The following CAMK2A variants were observed in gnomAD, a reference collection of about 807,000 sequenced individuals.
CAMK2A encodes the protein calcium/calmodulin-dependent protein kinase type II subunit alpha.
In CAMK2A, 7 loss-of-function variants were observed where a neutral mutation model predicts 79.2. The observed-to-expected ratio is 0.09, with a 90% CI of 0.05 to 0.17. CAMK2A has a LOEUF of 0.17. Among genes scored for constraint, CAMK2A ranks in the 10% least tolerant of loss-of-function variants. The pLI, the probability that CAMK2A is intolerant of heterozygous loss-of-function variation, is 1.00. For synonymous variants in CAMK2A, 242 were observed against 251.7 expected, an observed-to-expected ratio of 0.96 and a Z score of 0.36; for missense variants, 214 against 646.4, an observed-to-expected ratio of 0.33 and a Z score of 7.25.
At chr5:150,229,887 A>C (rs1754766263) in intron 16 of CAMK2A, among the ~76,000 whole-genome samples, 1 of 152,224 alleles carries the variant, frequency 6.6e-6, no homozygotes, top group African/African-American at 2.4e-5. Context: ...GTACAAGTGC[A>C]TGCATACACA....
intron 18 of CAMK2A, 62 bp from the exon 19 acceptor site, chr5:150,222,775 A>G (rs905382964): frequency 2.5e-6 from 4 of 1,599,964 alleles, no homozygotes; most frequent in African/African-American, 2.7e-5. Context: ...CAACCCACCC[A>G]CCCTGCCGCT....
intron 2 of CAMK2A, among the ~76,000 whole-genome samples, chr5:150,266,551 G>T (rs1756521425): frequency 6.6e-6 from 1 of 152,138 alleles, no homozygotes; most frequent in Non-Finnish European, 1.5e-5. Context: ...CTTTGAGGGG[G>T]TTACTATCAT....
chr5:150,277,241 T>C (rs2150305401), intron 1 of CAMK2A, among the ~76,000 whole-genome samples: 1 of 152,260 alleles, frequency 6.6e-6, no homozygotes, highest in East Asian at 1.9e-4. Context: ...GATTCCAAGG[T>C]CCCACCCACA....
Position 150,220,569 on chromosome 5 carries a change from G to C in CAMK2A, c.*2141C>G, listed in dbSNP as rs1754259631. 1 of 152,390 alleles carries C rather than the reference G, an allele frequency of 6.6e-6. No homozygotes were observed. Among genetic ancestry groups the C allele is most frequent in the Non-Finnish European group, 1.5e-5 (1 of 68,058 alleles). 9.4% of individuals were successfully genotyped at this position (152,390 alleles called of 1,614,324 possible). On this transcript the variant is annotated 3_prime_UTR_variant, in exon 19 of 19. Coordinates refer to ENST00000671881, the MANE Select transcript of CAMK2A (RefSeq NM_015981.4). ...CTCGGTAATTACAGCAGCCCCTGGTGAAGGCCACACCCTCACCCTTGACTG... is the reference window on the plus strand; with the variant it reads ...CTCGGTAATTACAGCAGCCCCTGGTCAAGGCCACACCCTCACCCTTGACTG...
intron 2 of CAMK2A, 93 bp downstream of exon 2, chr5:150,272,972 C>T: frequency 1.1e-6 from 1 of 951,760 alleles, no homozygotes; most frequent in South Asian, 1.4e-5. Flanking sequence ...CACCCAGGGG[C>T]TCAGCCCTGG....
At chr5:150,250,917 C>T in intron 9 of CAMK2A, 107 bp from the exon 10 acceptor site, 1 of 1,289,164 alleles carries the variant, frequency 7.8e-7, no homozygotes, top group Non-Finnish European at 1.1e-6. Flanking sequence ...ACTGCCCATC[C>T]ACTCGGACAT....
Position 150,250,805 on chromosome 5 carries a change from T to A in CAMK2A, c.699A>T (p.Pro233=). 3.7e-6 allele frequency: 6 copies of A among 1,614,000 alleles called. No homozygotes were observed. Among genetic ancestry groups the A allele is most frequent in the Non-Finnish European group, 4.2e-6 (5 of 1,179,896 alleles). The change falls in exon 10 of 19, where the codon CCA becomes CCT. Residue 233 remains proline (P), a synonymous_variant. Coordinates refer to ENST00000671881, the MANE Select transcript of CAMK2A (RefSeq NM_015981.4). ...GGGTGACAGTGTCCCATTCCGGCGA[T>A]GGGAACTGGAAGGGGCAGAGAGGCC... ...QQIKAGAYDF[P]SPEWDTVTPE... is the part of the protein sequence containing the mutation.
chr5:150,273,147 C>A lies in CAMK2A; in HGVS notation c.75G>T (p.Ser25=), dbSNP rs759905592. The A allele has an allele frequency of 1.2e-6, 2 of 1,613,224 alleles. No individual in the cohort carries two copies. Residue 25 remains serine, a synonymous_variant, in exon 2 of 19, where the codon TCG becomes TCT. Coordinates refer to ENST00000671881, the MANE Select transcript of CAMK2A (RefSeq NM_015981.4). ...LFEELGKGAF[S]VVRRCVKVLA... ...GCACCTTCACACACCTTCGCACCAC[C>A]GAGAAGGCTCCCCTAGGAGGACAGA...
intron 11 of CAMK2A, among the ~76,000 whole-genome samples, chr5:150,248,539 A>T (rs780463563): frequency 8.4e-5 from 11 of 130,536 alleles, no homozygotes; most frequent in African/African-American, 1.2e-4. Flanking sequence ...CCTGTGTCCA[A>T]GTGTTCTCAT....
rs560981076 is a variant in CAMK2A, at chr5:150,284,148, G to GCAGAGTGAGACCAGAGAGACAGAGA, written c.62+5391_62+5415dup. Reference sequence around the variant, plus strand: ...GCAGCAAAGAGGGACAGAGACAGAGGCAGAGTGAGACCAGAGAGACAGAGA... The same window carrying GCAGAGTGAGACCAGAGAGACAGAGA: ...GCAGCAAAGAGGGACAGAGACAGAGGCAGAGTGAGACCAGAGAGACAGAGACAGAGTGAGACCAGAGAGACAGAGA... On this transcript the variant is annotated intron_variant, in intron 1 of 18. Transcript: ENST00000671881. This position sits in a 1 kb window ranked among gnomAD's most constrained non-coding sequence, Gnocchi z 5.3. Among the ~76,000 whole-genome samples, 1 of 152,192 alleles carries GCAGAGTGAGACCAGAGAGACAGAGA rather than the reference G, an allele frequency of 6.6e-6. No homozygotes were observed. Among genetic ancestry groups the GCAGAGTGAGACCAGAGAGACAGAGA allele is most frequent in the Non-Finnish European group, 1.5e-5 (1 of 68,030 alleles).
intron 1 of CAMK2A, among the ~76,000 whole-genome samples, chr5:150,274,236 T>C (rs1298957201): frequency 6.6e-6 from 1 of 152,212 alleles, no homozygotes; most frequent in East Asian, 1.9e-4. Flanking sequence ...AAACTATTAG[T>C]AATTATAAGA....
At chr5:150,226,463 T>C (rs1026066118) in intron 17 of CAMK2A, among the ~76,000 whole-genome samples, 10 of 152,036 alleles carry the variant, frequency 6.6e-5, no homozygotes, top group Non-Finnish European at 1.3e-4. Context: ...TGGGGTGGGC[T>C]TGGTGGCTAA....
At chr5:150,278,901 G>C (rs1580954358) in intron 1 of CAMK2A, among the ~76,000 whole-genome samples, 1 of 152,146 alleles carries the variant, frequency 6.6e-6, no homozygotes, top group Non-Finnish European at 1.5e-5. Flanking sequence ...GTGAGCCAGA[G>C]GGTCACAGAA....
rs2114030631 is a variant in CAMK2A at position 150,233,769 on chromosome 5, G to A, written c.1067-2389C>T. ...TGAGTTTGGGAAGAAGCCTAGCCCA[G>A]CCAGTCACCTCTTTTGTTTGTTTGT... On this transcript the variant is annotated intron_variant, in intron 15 of 18. Coordinates refer to ENST00000671881, the MANE Select transcript of CAMK2A (RefSeq NM_015981.4). Among the ~76,000 whole-genome samples, 3 of 152,198 alleles carry A rather than the reference G, an allele frequency of 2.0e-5. No homozygotes were observed. The East Asian group carries it at 5.8e-4, about 29-fold the overall frequency.
intron 15 of CAMK2A, among the ~76,000 whole-genome samples, chr5:150,233,283 T>G (rs1198221517): frequency 6.6e-6 from 1 of 152,162 alleles, no homozygotes; most frequent in Non-Finnish European, 1.5e-5. Context: ...AATAATTAGC[T>G]CCAGTGGAGC....
At position 150,267,410 on chromosome 5, in the gene CAMK2A, C is replaced by T. The variant is rs80132599; in HGVS notation, c.158-2395G>A. Among the ~76,000 whole-genome samples, 98 of 152,358 alleles carry T rather than the reference C, an allele frequency of 6.4e-4. 2 individuals are homozygous for T. In the East Asian group the frequency reaches 0.018, roughly 27 times the overall value. On this transcript the variant is annotated intron_variant, in intron 2 of 18. Transcript: ENST00000671881. Reference sequence around the variant, plus strand: ...AATCCAGAATGTTGCTGTTTTCTCCCTGTGAGTTTACCCAGGAGCAGAGAA... The same window carrying T: ...AATCCAGAATGTTGCTGTTTTCTCCTTGTGAGTTTACCCAGGAGCAGAGAA...
intron 2 of CAMK2A, among the ~76,000 whole-genome samples, chr5:150,268,654 C>A (rs754597904): frequency 6.6e-6 from 1 of 152,212 alleles, no homozygotes; most frequent in Admixed American, 6.5e-5. Context: ...GTTCCCAGGG[C>A]GTGGCATAGA....
At chr5:150,270,729 A>C (rs1756714423) in intron 2 of CAMK2A, among the ~76,000 whole-genome samples, 1 of 151,314 alleles carries the variant, frequency 6.6e-6, no homozygotes, top group South Asian at 2.1e-4. Flanking sequence ...TAACCTCCCC[A>C]CCCCCTCAAC....
chr5:150,247,964 C>G (rs1162965999), intron 11 of CAMK2A, 150 bp from the exon 12 acceptor site: 3 of 658,728 alleles, frequency 4.6e-6, no homozygotes, highest in Non-Finnish European at 8.0e-6. Context: ...TCCATTTGTC[C>G]CAACCCCAAC....
Sources: allele counts gnomAD v4.1 joint callset (sites outside exome capture counted in the v4.1 genomes callset), GRCh38; gene constraint gnomAD v4.1.1; non-coding constraint Gnocchi (gnomAD v3.1); transcripts MANE v1.5; gene names NCBI Gene and HGNC (gene_info 2026-07-23, HGNC 2026-07-21).